HOXA11: variants seen among roughly 807,000 people sequenced by gnomAD.
HOXA11 encodes the protein homeobox A11.
Under a neutral mutation model 22.5 loss-of-function variants are expected in HOXA11, and 8 were observed. The observed-to-expected ratio is 0.36, with a 90% confidence interval of 0.21 to 0.64. HOXA11 has a LOEUF of 0.64. Ranked by LOEUF, HOXA11 falls within the 30% of genes least tolerant of loss-of-function variation. The probability of loss-of-function intolerance (pLI) is 0.67; values close to 1 mark genes in which losing one functional copy is unlikely to be tolerated. For synonymous variants in HOXA11, 211 were observed against 188.4 expected, an observed-to-expected ratio of 1.12 and a Z score of -0.98; for missense variants, 388 against 429.0, an observed-to-expected ratio of 0.90 and a Z score of 0.84.
chr7:27,183,601 G>A (rs1180612399), intron 1 of HOXA11, among the ~76,000 whole-genome samples: 1 of 152,140 alleles, frequency 6.6e-6, no homozygotes, highest in African/African-American at 2.4e-5. Context: ...GGGAGGTGGC[G>A]GCGGAAGCCC....
In HOXA11 at chr7:27,182,738, A is replaced by G; in HGVS notation, c.*58T>C. The G allele has an allele frequency of 8.8e-7, 1 of 1,132,018 alleles. No homozygotes were observed. Among genetic ancestry groups the G allele is most frequent in the East Asian group, 2.3e-5 (1 of 42,734 alleles). 70.1% of individuals were successfully genotyped at this position (1,132,018 alleles called of 1,614,324 possible). On this transcript the variant is annotated 3_prime_UTR_variant, in exon 2 of 2. Coordinates refer to ENST00000006015, the MANE Select transcript of HOXA11 (RefSeq NM_005523.6). Reference sequence around the variant, plus strand: ...TGTGGCTTGACTTTGTCAAGGGCAAAATCTGCATATTATCTCATGTGTATG... The same window carrying G: ...TGTGGCTTGACTTTGTCAAGGGCAAGATCTGCATATTATCTCATGTGTATG...
Position 27,184,612 on chromosome 7 carries a change from G to A in HOXA11, c.533C>T (p.Ala178Val), listed in dbSNP as rs748385341. The A allele has an allele frequency of 2.0e-6, 3 of 1,515,518 alleles. No homozygotes were observed. The South Asian group carries it at 3.8e-5, about 19-fold the overall frequency. 93.9% of individuals were successfully genotyped at this position (1,515,518 alleles called of 1,614,324 possible). A position where few individuals can be genotyped will look rare whatever the true frequency, so the allele number is the denominator to read the frequency against. The stretch of plus-strand genomic sequence containing the variant: ...CGCGCCCGTTGCAGCCGCCGCCGCC[G>A]CCGCGGAGGTCGCCGTGGCCGCCGG... The part of the protein sequence containing the change: ...GPPAATATSA[A>V]AAAAATGAPA... The change falls in exon 1 of 2, where the codon GCG becomes GTG. Residue 178 changes from alanine to valine, a missense_variant. Around this residue, in one of 4 missense-constraint regions of HOXA11, gnomAD observed 295 missense variants for 281.1 expected, o/e 1.05. Transcript: ENST00000006015.
chr7:27,182,001 G>A lies in HOXA11; in HGVS notation c.*795C>T, dbSNP rs1176590204. ...GCCATTTCCTGCAGAGATCTCAGGG[G>A]CCAGTGGCCTGGCTGCAGCCTCTTG... On this transcript the variant is annotated 3_prime_UTR_variant, in exon 2 of 2. Transcript: ENST00000006015. 2 of 231,262 alleles carry A rather than the reference G, an allele frequency of 8.6e-6. No individual in the cohort carries two copies. Among genetic ancestry groups the A allele is most frequent in the East Asian group, 6.1e-5 (1 of 16,386 alleles). 14.3% of individuals were successfully genotyped at this position (231,262 alleles called of 1,614,324 possible).
In HOXA11 at chr7:27,182,754, C is replaced by A. The variant is rs1454381787; in HGVS notation, c.*42G>T. 2 of 1,224,046 alleles carry A rather than the reference C, an allele frequency of 1.6e-6. No individual in the cohort carries two copies. The highest frequency in any genetic ancestry group is 1.2e-6 in the Non-Finnish European group (1 of 824,726). The allele number at this position is 1,224,046 out of a possible 1,614,324, so 75.8% of individuals were successfully genotyped here. A position where few individuals can be genotyped will look rare whatever the true frequency, so the allele number is the denominator to read the frequency against. On this transcript the variant is annotated 3_prime_UTR_variant, in exon 2 of 2. Transcript: ENST00000006015. ...CAAGGGCAAAATCTGCATATTATCT[C>A]ATGTGTATGAAGCCCCCCACCCAAT...
Position 27,184,936 on chromosome 7 carries a change from G to A in HOXA11, c.209C>T (p.Ala70Val). Reference sequence around the variant, plus strand: ...ATTGCCGCGGGGGTGCCATTTAGTGGCGGGCTCAATGGCGTACTCTCTGAA... The same window carrying A: ...ATTGCCGCGGGGGTGCCATTTAGTGACGGGCTCAATGGCGTACTCTCTGAA... ...VTFREYAIEP[A>V]TKWHPRGNLA... Residue 70 changes from alanine (A) to valine (V), a missense_variant, in exon 1 of 2, where the codon GCC becomes GTC. Around this residue, in one of 4 missense-constraint regions of HOXA11, gnomAD observed 295 missense variants for 281.1 expected, o/e 1.05. Transcript: ENST00000006015. The A allele has an allele frequency of 6.2e-7, 1 of 1,613,838 alleles. No individual in the cohort carries two copies. Among genetic ancestry groups the A allele is most frequent in the Non-Finnish European group, 8.5e-7 (1 of 1,179,898 alleles).
Position 27,181,239 on chromosome 7 carries a change from T to C in HOXA11, c.*1557A>G, listed in dbSNP as rs1783759961. 2.6e-5 allele frequency among the ~76,000 whole-genome samples: 4 copies of C among 152,174 alleles called. No individual in the cohort carries two copies. The highest frequency in any genetic ancestry group is 2.0e-4 in the Admixed American group (3 of 15,284). ...CACACACGGTGGGTAAGAACCAGAA[T>C]TGAGGACAGGCCAACACTCCCAGTA... is the stretch of plus-strand genomic sequence containing the variant. On this transcript the variant is annotated 3_prime_UTR_variant, in exon 2 of 2. Coordinates refer to ENST00000006015, the MANE Select transcript of HOXA11 (RefSeq NM_005523.6).
Position 27,182,946 on chromosome 7 carries a change from G to C in HOXA11, c.792C>G (p.Val264=). 6.2e-7 allele frequency: 1 copy of C among 1,614,096 alleles called. No individual in the cohort carries two copies. The highest frequency in any genetic ancestry group is 8.5e-7 in the Non-Finnish European group (1 of 1,179,966). The change falls in exon 2 of 2, where the codon GTC becomes GTG. Residue 264 remains valine (V), a synonymous_variant. Transcript: ENST00000006015. ...RELEREFFFS[V]YINKEKRLQL... The stretch of plus-strand genomic sequence containing the variant: ...GCAGGCGCTTCTCTTTGTTAATGTA[G>C]ACGCTGAAGAAGAACTCCCGTTCCA...
Position 27,184,944 on chromosome 7 carries a change from AATG to A in HOXA11, c.198_200del (p.Ile67del). ...GGGGGTGCCATTTAGTGGCGGGCTC[AATG>A]GCGTACTCTCTGAAGGTCACTTCGC... is the stretch of plus-strand genomic sequence containing the variant. On this transcript the variant is annotated inframe_deletion, in exon 1 of 2. Coordinates refer to ENST00000006015, the MANE Select transcript of HOXA11 (RefSeq NM_005523.6). The A allele has an allele frequency of 6.2e-7, 1 of 1,613,646 alleles. No homozygotes were observed. Among genetic ancestry groups the A allele is most frequent in the Non-Finnish European group, 8.5e-7 (1 of 1,179,862 alleles).
chr7:27,182,555 T>C lies in HOXA11; in HGVS notation c.*241A>G. On this transcript the variant is annotated 3_prime_UTR_variant, in exon 2 of 2. Coordinates refer to ENST00000006015, the MANE Select transcript of HOXA11 (RefSeq NM_005523.6). Reference sequence around the variant, plus strand: ...GGCTCCAAGAGTGAACCACCAGGGGTCCCAAACCTGTCATTCTAGCTGATG... The same window carrying C: ...GGCTCCAAGAGTGAACCACCAGGGGCCCCAAACCTGTCATTCTAGCTGATG... 5 of 565,612 alleles carry C rather than the reference T, an allele frequency of 8.8e-6. No homozygotes were observed. In the South Asian group the frequency reaches 9.7e-5, roughly 11 times the overall value. The allele number at this position is 565,612 out of a possible 1,614,324, so 35.0% of individuals were successfully genotyped here.
Position 27,181,416 on chromosome 7 carries a change from A to G in HOXA11, c.*1380T>C, listed in dbSNP as rs79891240. 2,068 of 197,536 alleles carry G rather than the reference A, an allele frequency of 0.01. 44 individuals carry two copies. Among genetic ancestry groups the G allele is most frequent in the African/African-American group, 0.045 (1,888 of 41,772 alleles). The allele number at this position is 197,536 out of a possible 1,614,324, so 12.2% of individuals were successfully genotyped here. A position where few individuals can be genotyped will look rare whatever the true frequency, so the allele number is the denominator to read the frequency against. On this transcript the variant is annotated 3_prime_UTR_variant, in exon 2 of 2. Transcript: ENST00000006015. ...CTTTCCAAATGTTGCAAGAGATTAA[A>G]AAGACCATTCTCAATACCTTTTCCA... is the stretch of plus-strand genomic sequence containing the variant.
Position 27,184,547 on chromosome 7 carries a change from A to AGCCGCC in HOXA11, c.592_597dup (p.Gly198_Gly199dup). ...TCTGCTGCCGCCGCCGTCTCCCGGC[A>AGCCGCC]GCCGCCGCCGCCGCCGCTGTCCGAA... On this transcript the variant is annotated inframe_insertion, in exon 1 of 2. Coordinates refer to ENST00000006015, the MANE Select transcript of HOXA11 (RefSeq NM_005523.6). The AGCCGCC allele has an allele frequency of 5.4e-6, 8 of 1,494,632 alleles. No homozygotes were observed. Among genetic ancestry groups the AGCCGCC allele is most frequent in the East Asian group, 2.8e-5 (1 of 35,670 alleles). 92.6% of individuals were successfully genotyped at this position (1,494,632 alleles called of 1,614,324 possible).
chr7:27,184,860 C>T lies in HOXA11; in HGVS notation c.285G>A (p.Gln95=), dbSNP rs1351174481. 1 of 1,613,542 alleles carries T rather than the reference C, an allele frequency of 6.2e-7. No individual in the cohort carries two copies. The highest frequency in any genetic ancestry group is 1.1e-5 in the South Asian group (1 of 91,070). Reference sequence around the variant, plus strand: ...CAGGCACGCCGGCCGCGCTGGGCGCCTGCAGGCAGTCTCTGTGCACGAGCT... The same window carrying T: ...CAGGCACGCCGGCCGCGCTGGGCGCTTGCAGGCAGTCTCTGTGCACGAGCT... ...AEELVHRDCL[Q]APSAAGVPGD... The change falls in exon 1 of 2, where the codon CAG becomes CAA. Residue 95 remains glutamine (Q), a synonymous_variant. Coordinates refer to ENST00000006015, the MANE Select transcript of HOXA11 (RefSeq NM_005523.6).
rs1404519096 is a variant in HOXA11, at chr7:27,182,630, T to C, written c.*166A>G. 2 of 687,324 alleles carry C rather than the reference T, an allele frequency of 2.9e-6. No homozygotes were observed. Among genetic ancestry groups the C allele is most frequent in the East Asian group, 5.4e-5 (2 of 37,102 alleles). The allele number at this position is 687,324 out of a possible 1,614,324, so 42.6% of individuals were successfully genotyped here. A position where few individuals can be genotyped will look rare whatever the true frequency, so the allele number is the denominator to read the frequency against. On this transcript the variant is annotated 3_prime_UTR_variant, in exon 2 of 2. Transcript: ENST00000006015. ...ATTAGGAATCTTAACCACTGAGATCTTAATCAAGAGAGTCCCAGACCACCT... is the reference window on the plus strand; with the variant it reads ...ATTAGGAATCTTAACCACTGAGATCCTAATCAAGAGAGTCCCAGACCACCT...
Position 27,184,822 on chromosome 7 carries a change from G to A in HOXA11, c.323C>T (p.Ala108Val). 1 of 1,613,592 alleles carries A rather than the reference G, an allele frequency of 6.2e-7. No individual in the cohort carries two copies. Among genetic ancestry groups the A allele is most frequent in the East Asian group, 2.2e-5 (1 of 44,846 alleles). The change falls in exon 1 of 2, where the codon GCC becomes GTC. Residue 108 changes from alanine to valine, a missense_variant. Physicochemically the swap from Ala to Val is moderately conservative, Grantham distance 64. Coordinates refer to ENST00000006015, the MANE Select transcript of HOXA11 (RefSeq NM_005523.6). ...SAAGVPGDVL[A>V]KSSANVYHHP... is the part of the protein sequence containing the mutation. Reference sequence around the variant, plus strand: ...GTGGTAGACGTTGGCCGAGCTCTTGGCCAGCACGTCGCCAGGCACGCCGGC... The same window carrying A: ...GTGGTAGACGTTGGCCGAGCTCTTGACCAGCACGTCGCCAGGCACGCCGGC...
intron 1 of HOXA11, among the ~76,000 whole-genome samples, chr7:27,183,479 G>T (rs1783801460): frequency 6.6e-6 from 1 of 152,214 alleles, no homozygotes; most frequent in South Asian, 2.1e-4. Context: ...TCCCGGCTGC[G>T]GCCAAGACTG....
At position 27,182,818 on chromosome 7, in the gene HOXA11, T is replaced by C; in HGVS notation, c.920A>G (p.Tyr307Cys). Residue 307 changes from tyrosine to cysteine, a missense_variant, in exon 2 of 2, where the codon TAC becomes TGC. Transcript: ENST00000006015. ...GTCTTAGAGGAGTGGATTTGCTGAG[T>C]AGTACTGTAAACGGTCTCTGTTAAT... is the stretch of plus-strand genomic sequence containing the variant. ...KKINRDRLQY[Y>C]SANPLL 1 of 1,609,542 alleles carries C rather than the reference T, an allele frequency of 6.2e-7. No homozygotes were observed. The highest frequency in any genetic ancestry group is 8.5e-7 in the Non-Finnish European group (1 of 1,175,892).
rs778884222 is a variant in HOXA11 at position 27,184,665 on chromosome 7, G to A, written c.480C>T (p.Pro160=). 8.1e-6 allele frequency: 13 copies of A among 1,612,162 alleles called. No homozygotes were observed. The highest frequency in any genetic ancestry group is 5.5e-5 in the South Asian group (5 of 91,016). The change falls in exon 1 of 2, where the codon CCC becomes CCT. Residue 160 remains proline (P), a synonymous_variant. Transcript: ENST00000006015. ...TPENLASSDY[P]GDKSAEKGPP... ...GCCCCTTCTCGGCGCTCTTGTCCCC[G>A]GGGTAGTCGGAGGAGGCGAGGTTTT...
At chr7:27,183,051 G>C (rs1387661802) in intron 1 of HOXA11, 23 bp from the exon 2 acceptor site, 4 of 1,528,326 alleles carry the variant, frequency 2.6e-6, no homozygotes, top group Non-Finnish European at 3.6e-6. Flanking sequence ...AAAAGGCATG[G>C]GGTGAGCCAG....
intron 1 of HOXA11, 97 bp downstream of exon 1, chr7:27,184,339 T>C (rs1783821669): frequency 8.0e-7 from 1 of 1,244,438 alleles, no homozygotes; most frequent in Non-Finnish European, 1.1e-6. Flanking sequence ...ATAAACCTTA[T>C]ATGCTTATAA....
Sources: allele counts gnomAD v4.1 joint callset (sites outside exome capture counted in the v4.1 genomes callset), GRCh38; gene constraint gnomAD v4.1.1; regional missense constraint gnomAD v4.1.1; transcripts MANE v1.5; gene names NCBI Gene and HGNC (gene_info 2026-07-23, HGNC 2026-07-21).